Variants in ZNF487 observed in about 807,000 individuals in gnomAD.
ZNF487 encodes the protein zinc finger protein 487.
Under a neutral mutation model 3.0 loss-of-function variants are expected in ZNF487, and 4 were observed. That is an observed-to-expected ratio of 1.35 (90% CI 0.66 to 3.08). The LOEUF is 3.08. ZNF487 is among the 30% of genes most tolerant of loss of function. The pLI is 0.01. For synonymous variants in ZNF487, 55 were observed against 34.6 expected, an observed-to-expected ratio of 1.59 and a Z score of -2.06; for missense variants, 146 against 98.7, an observed-to-expected ratio of 1.48 and a Z score of -2.03.
At chr10:43,500,320 T>C in the ZNF487 span, among the ~76,000 whole-genome samples, 2 of 152,042 alleles carry the variant, frequency 1.3e-5, no homozygotes, top group Admixed American at 6.6e-5. Flanking sequence ...ACACCAGTCA[T>C]CTTTAGAAAA....
intron 1 of ZNF487, among the ~76,000 whole-genome samples, chr10:43,438,731 T>C (rs566040627): frequency 4.6e-5 from 7 of 152,234 alleles, no homozygotes; most frequent in East Asian, 3.9e-4. Context: ...CCAGTGTCCA[T>C]TGATAGATGG....
At chr10:43,440,083 ATGT>A (rs1206437887) in intron 1 of ZNF487, among the ~76,000 whole-genome samples, 1 of 143,592 alleles carries the variant, frequency 7.0e-6, no homozygotes, top group Non-Finnish European at 1.5e-5. Flanking sequence ...AGTTTCACTC[ATGT>A]TGCCCAGGCT....
chr10:43,496,859 C>T, the ZNF487 span, among the ~76,000 whole-genome samples: 1 of 151,950 alleles, frequency 6.6e-6, no homozygotes, highest in Non-Finnish European at 1.5e-5. Context: ...ATTTTAGGTT[C>T]AGTGGGGTAC....
At chr10:43,502,521 A>AT in the ZNF487 span, among the ~76,000 whole-genome samples, 2 of 152,134 alleles carry the variant, frequency 1.3e-5, no homozygotes, top group South Asian at 4.1e-4. Flanking sequence ...TTAAAGTATA[A>AT]TAAAAAAAAA....
chr10:43,446,157 G>A (rs927258000), intron 1 of ZNF487, among the ~76,000 whole-genome samples: 12 of 152,160 alleles, frequency 7.9e-5, no homozygotes, highest in African/African-American at 2.7e-4. Context: ...CAAAACCGCC[G>A]TCGTCATCAT....
intron 1 of ZNF487, among the ~76,000 whole-genome samples, chr10:43,472,292 T>G (rs901108398): frequency 2.0e-5 from 3 of 152,142 alleles, no homozygotes; most frequent in African/African-American, 7.2e-5. Flanking sequence ...TCTTGGATTT[T>G]CTCTCCCAAA....
the ZNF487 span, among the ~76,000 whole-genome samples, chr10:43,516,033 G>A: frequency 1.3e-5 from 2 of 152,090 alleles, no homozygotes; most frequent in Non-Finnish European, 2.9e-5. Context: ...GCCCGCCTTG[G>A]CCTCTCAAAG....
intron 1 of ZNF487, among the ~76,000 whole-genome samples, chr10:43,465,103 C>G (rs1262864842): frequency 1.3e-5 from 2 of 148,848 alleles, no homozygotes; most frequent in South Asian, 2.1e-4. Context: ...CTGACCCCCC[C>G]ACCTCCCTCC....
At chr10:43,495,909 A>AT in the ZNF487 span, 4 of 435,906 alleles carry the variant, frequency 9.2e-6, no homozygotes, top group Middle Eastern at 3.3e-4. Flanking sequence ...GCTGTGTGAC[A>AT]TTTTTTCTTT....
At chr10:43,458,736 TGTAATTGA>T (rs1462001820) in intron 1 of ZNF487, among the ~76,000 whole-genome samples, 1 of 151,974 alleles carries the variant, frequency 6.6e-6, no homozygotes, top group East Asian at 1.9e-4. Context: ...GTCTGCTGCT[TGTAATTGA>T]GTACTTCGTG....
chr10:43,450,107 G>A (rs571988333), intron 1 of ZNF487, among the ~76,000 whole-genome samples: 12 of 151,802 alleles, frequency 7.9e-5, no homozygotes, highest in South Asian at 6.3e-4. Context: ...GCAATGGCAC[G>A]TTCTTGGCTC....
intron 1 of ZNF487, among the ~76,000 whole-genome samples, chr10:43,440,957 T>TA (rs1839577138): frequency 6.7e-6 from 1 of 150,048 alleles, no homozygotes; most frequent in South Asian, 2.1e-4. Flanking sequence ...GCCTCGATCT[T>TA]CTTGGCTCCA....
chr10:43,464,909 C>G (rs1312730187), intron 1 of ZNF487, among the ~76,000 whole-genome samples: 2 of 152,136 alleles, frequency 1.3e-5, no homozygotes, highest in African/African-American at 4.8e-5. Flanking sequence ...GGGGTGGTGG[C>G]CGGGCAGAGG....
At chr10:43,451,251 T>C (rs976087538) in intron 1 of ZNF487, among the ~76,000 whole-genome samples, 1 of 150,784 alleles carries the variant, frequency 6.6e-6, no homozygotes, top group Non-Finnish European at 1.5e-5. Context: ...TGGCCTATTA[T>C]TATTATTATT....
rs1337055659 is a variant in ZNF487 at position 43,481,709 on chromosome 10, C to T, written c.411C>T (p.Leu137=). The T allele has an allele frequency of 1.4e-6, 1 of 714,816 alleles. No homozygotes were observed. Among genetic ancestry groups the T allele is most frequent in the East Asian group, 2.7e-5 (1 of 37,276 alleles). The allele number at this position is 714,816 out of a possible 1,614,324, so 44.3% of individuals were successfully genotyped here. Reference sequence around the variant, plus strand: ...AGTGTAATGTACGTGGGAAATTTCTCCTCTGTATGAAGCGTGAGAATCCTT... The same window carrying T: ...AGTGTAATGTACGTGGGAAATTTCTTCTCTGTATGAAGCGTGAGAATCCTT... ...PAECNVRGKF[L]LCMKRENPYA... is the part of the protein sequence containing the mutation. The change falls in exon 4 of 4, where the codon CTC becomes CTT. Residue 137 remains leucine, a synonymous_variant. Coordinates refer to ENST00000437590, the MANE Select transcript of ZNF487 (RefSeq NM_001355444.3).
chr10:43,490,500 C>CTTTTTT, the ZNF487 span, among the ~76,000 whole-genome samples: 22 of 39,158 alleles, frequency 5.6e-4, 8 homozygotes, highest in East Asian at 2.4e-3. Context: ...AGTAGCTCTA[C>CTTTTTT]TTTTTTTTTT....
chr10:43,476,016 T>A (rs945288212), intron 2 of ZNF487, 91 bp from the exon 3 acceptor site: 1 of 684,092 alleles, frequency 1.5e-6, no homozygotes. Flanking sequence ...TTTTCTGTAA[T>A]GAAATGCTCA....
At chr10:43,438,124 C>T (rs1839450965) in intron 1 of ZNF487, among the ~76,000 whole-genome samples, 1 of 152,156 alleles carries the variant, frequency 6.6e-6, no homozygotes, top group African/African-American at 2.4e-5. Flanking sequence ...TTTGAAACCT[C>T]ATCATGGAGA....
intron 1 of ZNF487, among the ~76,000 whole-genome samples, chr10:43,472,426 T>A (rs1209418929): frequency 2.6e-5 from 4 of 152,168 alleles, no homozygotes; most frequent in African/African-American, 9.7e-5. Flanking sequence ...GGGGCATACA[T>A]CCAGAATATA....
Sources: gnomAD v4.1 joint callset for allele counts (sites outside exome capture counted in the v4.1 genomes callset) on GRCh38, gnomAD v4.1.1 for gene constraint, MANE v1.5 for transcripts, NCBI Gene and HGNC (gene_info 2026-07-23, HGNC 2026-07-21) for gene names.